The following LYZL1 variants were observed in gnomAD, a reference collection of about 807,000 sequenced individuals.
The protein encoded by LYZL1 is lysozyme-like protein 1.
In LYZL1, 16 loss-of-function variants were observed where a neutral mutation model predicts 17.9. The ratio of observed to expected loss-of-function variants is 0.90; its 90% CI spans 0.61 to 1.36. LYZL1 has a LOEUF of 1.36. Among genes scored for constraint, LYZL1 ranks in the 40% most tolerant of loss-of-function variants. The pLI is 0.00. For missense variants in LYZL1, 149 were observed against 188.4 expected, an observed-to-expected ratio of 0.79 and a Z score of 1.22; for synonymous variants, 58 against 71.8, an observed-to-expected ratio of 0.81 and a Z score of 0.97.
downstream of LYZL1, among the ~76,000 whole-genome samples, chr10:29,316,148 A>G (rs1301602299): frequency 6.6e-6 from 1 of 152,214 alleles, no homozygotes; most frequent in Non-Finnish European, 1.5e-5. Context: ...CTGTGGGCAC[A>G]GTAGAAGCTT....
At chr10:29,301,758 CTTCTT>C (rs948503524) in intron 3 of LYZL1, among the ~76,000 whole-genome samples, 28 of 152,078 alleles carry the variant, frequency 1.8e-4, no homozygotes, top group African/African-American at 6.5e-4. Flanking sequence ...TTCTAATACT[CTTCTT>C]TTCTCCTTCA....
intron 3 of LYZL1, among the ~76,000 whole-genome samples, chr10:29,298,999 C>A (rs1210210421): frequency 6.6e-6 from 1 of 152,194 alleles, no homozygotes; most frequent in Non-Finnish European, 1.5e-5. Flanking sequence ...GATTTTCCTG[C>A]AACTGGACAG....
chr10:29,293,107 CTTT>C (rs200422181), intron 3 of LYZL1, among the ~76,000 whole-genome samples: 1 of 124,286 alleles, frequency 8.0e-6, no homozygotes, highest in African/African-American at 2.8e-5. Flanking sequence ...TCTTTTCTTT[CTTT>C]TTTTTTCTTT....
rs539139656 is a variant in LYZL1, at chr10:29,296,625, A to G, written c.298+3948A>G. 2.6e-4 allele frequency among the ~76,000 whole-genome samples: 40 copies of G among 152,304 alleles called. No individual in the cohort carries two copies. In the South Asian group the frequency reaches 8.1e-3, roughly 31 times the overall value. The stretch of plus-strand genomic sequence containing the variant: ...GAGAGCTCCAGACCACAGACATGGG[A>G]GATTAAGTTATAGTTTCTATAGTTC... On this transcript the variant is annotated intron_variant, in intron 3 of 4. Transcript: ENST00000649382.
intron 2 of LYZL1, 114 bp from the exon 3 acceptor site, chr10:29,292,405 G>C: frequency 1.4e-6 from 2 of 1,478,404 alleles, no homozygotes; most frequent in Non-Finnish European, 1.8e-6. Flanking sequence ...CCCTGCCCAA[G>C]GTGTATTGGG....
At chr10:29,294,059 GA>G (rs1835414377) in intron 3 of LYZL1, among the ~76,000 whole-genome samples, 1 of 152,146 alleles carries the variant, frequency 6.6e-6, no homozygotes. Context: ...AGATAGGGAA[GA>G]TTTGGGTAGA....
chr10:29,294,946 T>C (rs747679176), intron 3 of LYZL1, among the ~76,000 whole-genome samples: 11 of 152,202 alleles, frequency 7.2e-5, no homozygotes, highest in Admixed American at 2.6e-4. Flanking sequence ...TAAAAATATG[T>C]AAGCACCTTC....
downstream of LYZL1, among the ~76,000 whole-genome samples, chr10:29,311,981 G>T (rs918484331): frequency 6.6e-6 from 1 of 151,736 alleles, no homozygotes; most frequent in African/African-American, 2.4e-5. Context: ...GAAGGGGGAG[G>T]GAACGTTTTT....
chr10:29,290,949 C>A (rs75625456), intron 1 of LYZL1, among the ~76,000 whole-genome samples: 28 of 152,186 alleles, frequency 1.8e-4, no homozygotes, highest in Admixed American at 6.5e-5. Context: ...CTTCACTCTT[C>A]GATAAACCCC....
Position 29,291,794 on chromosome 10 carries a change from A to C in LYZL1, c.-25-49A>C, listed in dbSNP as rs41283734. The C allele has an allele frequency of 8.4e-3, 12,083 of 1,437,872 alleles. 1,445 individuals are homozygous for C. The highest frequency in any genetic ancestry group is 0.019 in the South Asian group (1,491 of 78,306). The allele number at this position is 1,437,872 out of a possible 1,614,324, so 89.1% of individuals were successfully genotyped here. ...TGCACAGTCACCACCGCTGGATTTC[A>C]AAGTTCCTGAACCAAGATCGTCTGA... On this transcript the variant is annotated intron_variant, in intron 1 of 4. Coordinates refer to ENST00000649382, the MANE Select transcript of LYZL1 (RefSeq NM_032517.6).
At chr10:29,300,670 C>G (rs1835505341) in intron 3 of LYZL1, among the ~76,000 whole-genome samples, 1 of 152,074 alleles carries the variant, frequency 6.6e-6, no homozygotes, top group African/African-American at 2.4e-5. Context: ...TCTTTACCTT[C>G]TTTTTGGTTT....
chr10:29,316,739 G>A (rs1410076762), intron 3 of LYZL1, among the ~76,000 whole-genome samples: 1 of 109,484 alleles, frequency 9.1e-6, no homozygotes, highest in Non-Finnish European at 1.7e-5. Flanking sequence ...TAGAGGCAAT[G>A]TCTTACTCTG....
At chr10:29,308,007 A>AAAAAAC (rs1396870638) in intron 3 of LYZL1, among the ~76,000 whole-genome samples, 5 of 152,148 alleles carry the variant, frequency 3.3e-5, no homozygotes, top group Non-Finnish European at 5.9e-5. Context: ...CCAATTCTCT[A>AAAAAAC]AAAATCAAAA....
downstream of LYZL1, among the ~76,000 whole-genome samples, chr10:29,311,443 T>A (rs139686252): frequency 2.6e-4 from 40 of 152,056 alleles, no homozygotes; most frequent in African/African-American, 9.6e-4. Flanking sequence ...AGGGTGAGGT[T>A]AGGAACTAGG....
At position 29,289,153 on chromosome 10, in the gene LYZL1, T is replaced by C; in HGVS notation, c.-103T>C. ...CTCCCCTGAGCTGCCTGTCACCGACTAAGTGGAGCAGTGTTTCTTCCGCAG... is the reference window on the plus strand; with the variant it reads ...CTCCCCTGAGCTGCCTGTCACCGACCAAGTGGAGCAGTGTTTCTTCCGCAG... On this transcript the variant is annotated 5_prime_UTR_variant, in exon 1 of 5. It removes the in-frame stop codon of an upstream open reading frame in the 5' UTR. Coordinates refer to ENST00000649382, the MANE Select transcript of LYZL1 (RefSeq NM_032517.6). 6.2e-7 allele frequency: 1 copy of C among 1,608,412 alleles called. No homozygotes were observed. The highest frequency in any genetic ancestry group is 8.5e-7 in the Non-Finnish European group (1 of 1,176,750).
intron 1 of LYZL1, 115 bp from the exon 2 acceptor site, chr10:29,291,728 A>T (rs75147466): frequency 0.087 from 105,084 of 1,207,722 alleles, 6,028 homozygotes; most frequent in African/African-American, 0.15. Flanking sequence ...TGATGGTGGC[A>T]CTGAATGACC....
chr10:29,313,243 T>C (rs184757756), downstream of LYZL1, among the ~76,000 whole-genome samples: 25 of 152,368 alleles, frequency 1.6e-4, no homozygotes, highest in Admixed American at 5.9e-4. Context: ...TTTTATAAGA[T>C]AGCTGAAGAA....
At chr10:29,317,933 G>A (rs1187383306) in intron 4 of LYZL1, among the ~76,000 whole-genome samples, 2 of 146,394 alleles carry the variant, frequency 1.4e-5, no homozygotes, top group Admixed American at 6.8e-5. Context: ...AACAGAGTGA[G>A]ACCCTGTCTC....
At chr10:29,303,926 T>C (rs904964320) in intron 3 of LYZL1, among the ~76,000 whole-genome samples, 1 of 152,188 alleles carries the variant, frequency 6.6e-6, no homozygotes, top group African/African-American at 2.4e-5. Flanking sequence ...GATCTTTTTC[T>C]TCTTTTTGTT....
Sources: allele counts gnomAD v4.1 joint callset (sites outside exome capture counted in the v4.1 genomes callset), GRCh38; gene constraint gnomAD v4.1.1; transcripts MANE v1.5; gene names NCBI Gene and HGNC (gene_info 2026-07-23, HGNC 2026-07-21).